The following SGMS1 variants were observed in gnomAD, a reference collection of about 807,000 sequenced individuals.
SGMS1 encodes the protein phosphatidylcholine:ceramide cholinephosphotransferase 1.
In SGMS1, 13 loss-of-function variants were observed where a neutral mutation model predicts 46.2. The observed-to-expected ratio is 0.28, with a 90% CI of 0.18 to 0.45. SGMS1 has a LOEUF of 0.45. Among genes scored for constraint, SGMS1 ranks in the 20% least tolerant of loss-of-function variants. The pLI is 1.00. For synonymous variants in SGMS1, 203 were observed against 187.8 expected (o/e 1.08, Z -0.66); for missense variants, 324 against 519.9 (o/e 0.62, Z 3.66).
At chr10:50,505,026 C>T (rs1028299532) in intron 3 of SGMS1, among the ~76,000 whole-genome samples, 12 of 152,014 alleles carry the variant, frequency 7.9e-5, no homozygotes, top group East Asian at 1.9e-4. Context: ...GCAGGTAACA[C>T]GGCAAAACCC....
chr10:50,583,836 G>A (rs1367672019), intron 2 of SGMS1, among the ~76,000 whole-genome samples: 1 of 152,126 alleles, frequency 6.6e-6, no homozygotes, highest in Non-Finnish European at 1.5e-5. Context: ...AATAAAACTT[G>A]AAGACTATTC....
chr10:50,496,954 C>T (rs989557160), intron 3 of SGMS1, among the ~76,000 whole-genome samples: 1 of 152,214 alleles, frequency 6.6e-6, no homozygotes, highest in African/African-American at 2.4e-5. Context: ...AAACCCACAG[C>T]AGCCTCCTGT....
At chr10:50,333,583 C>T (rs1199141211) in intron 7 of SGMS1, among the ~76,000 whole-genome samples, 2 of 152,154 alleles carry the variant, frequency 1.3e-5, no homozygotes, top group African/African-American at 2.4e-5. Context: ...CCCATCACAG[C>T]CTCAGGTATC....
At chr10:50,525,796 CA>C (rs2133795573) in intron 2 of SGMS1, among the ~76,000 whole-genome samples, 1 of 152,270 alleles carries the variant, frequency 6.6e-6, no homozygotes, top group South Asian at 2.1e-4. Flanking sequence ...GCAGTGAAAA[CA>C]ACTTTAGCCT....
intron 2 of SGMS1, among the ~76,000 whole-genome samples, chr10:50,524,613 G>A (rs1837884830): frequency 6.6e-6 from 1 of 152,112 alleles, no homozygotes; most frequent in Non-Finnish European, 1.5e-5. Flanking sequence ...ATCTTATTTA[G>A]TGCTACTACT....
chr10:50,484,800 G>A (rs927354530), intron 3 of SGMS1, among the ~76,000 whole-genome samples: 1 of 152,056 alleles, frequency 6.6e-6, no homozygotes, highest in African/African-American at 2.4e-5. Context: ...AAAACCACAT[G>A]ATTATATCAA....
chr10:50,519,595 A>C (rs1837839753), intron 3 of SGMS1, among the ~76,000 whole-genome samples: 1 of 152,278 alleles, frequency 6.6e-6, no homozygotes, highest in South Asian at 2.1e-4. Context: ...ACCCCGGCCC[A>C]GATTGCTTGC....
intron 1 of SGMS1, among the ~76,000 whole-genome samples, chr10:50,593,653 G>A (rs1838563420): frequency 6.6e-6 from 1 of 151,982 alleles, no homozygotes; most frequent in African/African-American, 2.4e-5. Flanking sequence ...TGCCACATAT[G>A]TGCTATCAAT....
At chr10:50,373,311 T>C (rs1000792130) in intron 6 of SGMS1, among the ~76,000 whole-genome samples, 1 of 152,240 alleles carries the variant, frequency 6.6e-6, no homozygotes, top group African/African-American at 2.4e-5. Flanking sequence ...TCCTTAATTA[T>C]TCCTTCCCAA....
intron 5 of SGMS1, among the ~76,000 whole-genome samples, chr10:50,449,228 A>G (rs1006958229): frequency 9.9e-5 from 15 of 152,160 alleles, no homozygotes; most frequent in African/African-American, 3.4e-4. Context: ...TAATCCATCT[A>G]CCTACCTGCC....
intron 2 of SGMS1, among the ~76,000 whole-genome samples, chr10:50,585,545 A>C (rs1838475688): frequency 6.6e-6 from 1 of 152,234 alleles, no homozygotes; most frequent in Admixed American, 6.5e-5. Flanking sequence ...TTTATTCTAA[A>C]AGCAGCTATG....
intron 6 of SGMS1, among the ~76,000 whole-genome samples, chr10:50,390,712 C>A (rs545810459): frequency 1.3e-5 from 2 of 152,286 alleles, no homozygotes; most frequent in South Asian, 4.1e-4. Flanking sequence ...TTTGGAATTA[C>A]TCCCTTTGAA....
chr10:50,553,057 C>G (rs1222851667), intron 2 of SGMS1, among the ~76,000 whole-genome samples: 1 of 152,172 alleles, frequency 6.6e-6, no homozygotes, highest in African/African-American at 2.4e-5. Flanking sequence ...TCATTTGTTA[C>G]AGCAGCTACA....
intron 3 of SGMS1, among the ~76,000 whole-genome samples, chr10:50,483,473 G>C (rs567904618): frequency 8.5e-5 from 13 of 152,208 alleles, no homozygotes; most frequent in African/African-American, 2.9e-4. Context: ...GTCAATATTA[G>C]ACAGATCACT....
In SGMS1 at chr10:50,528,988, G is replaced by A. The variant is rs80339212; in HGVS notation, c.-588-9067C>T. Reference sequence around the variant, plus strand: ...GTCAGAGATGGGCAATTTACAAATTGCTATAGCTATTCAAAAGTGACTATA... The same window carrying A: ...GTCAGAGATGGGCAATTTACAAATTACTATAGCTATTCAAAAGTGACTATA... On this transcript the variant is annotated intron_variant, in intron 2 of 10. Coordinates refer to ENST00000361781, the MANE Select transcript of SGMS1 (RefSeq NM_147156.4). Among the ~76,000 whole-genome samples the A allele has an allele frequency of 5.6e-3, 856 of 152,272 alleles. 12 individuals carry two copies. Among genetic ancestry groups the A allele is most frequent in the African/African-American group, 0.02 (818 of 41,534 alleles).
chr10:50,351,835 T>C (rs1339845272), intron 6 of SGMS1, among the ~76,000 whole-genome samples: 1 of 152,192 alleles, frequency 6.6e-6, no homozygotes, highest in Non-Finnish European at 1.5e-5. Flanking sequence ...CACAGGCTGC[T>C]ACTGCTGGGA....
intron 6 of SGMS1, among the ~76,000 whole-genome samples, chr10:50,403,348 C>T (rs1029683830): frequency 1.3e-5 from 2 of 152,146 alleles, no homozygotes; most frequent in African/African-American, 2.4e-5. Context: ...TTAAACCCAT[C>T]CCAGCTGTCA....
intron 2 of SGMS1, among the ~76,000 whole-genome samples, chr10:50,526,916 T>C (rs1034175165): frequency 6.6e-6 from 1 of 151,640 alleles, no homozygotes; most frequent in Middle Eastern, 3.2e-3. Flanking sequence ...AATACAAAAA[T>C]TAGCTGGGCA....
At chr10:50,514,353 G>A (rs2208035) in intron 3 of SGMS1, among the ~76,000 whole-genome samples, 2 of 152,118 alleles carry the variant, frequency 1.3e-5, no homozygotes, top group African/African-American at 2.4e-5. Flanking sequence ...TAACAAAACC[G>A]CCAGTTCTTT....
Sources: allele counts gnomAD v4.1 joint callset (sites outside exome capture counted in the v4.1 genomes callset), GRCh38; gene constraint gnomAD v4.1.1; transcripts MANE v1.5; gene names NCBI Gene and HGNC (gene_info 2026-07-23, HGNC 2026-07-21).